Variants in HYDIN observed in about 807,000 individuals in gnomAD.
The protein encoded by HYDIN is HYDIN axonemal central pair apparatus protein.
In HYDIN, 132 loss-of-function variants were observed where a neutral mutation model predicts 403.9. The observed-to-expected ratio is 0.33, with a 90% CI of 0.28 to 0.38. The LOEUF (loss-of-function observed/expected upper bound fraction) is 0.38. HYDIN is among the 10% of genes least tolerant of loss of function. HYDIN has a pLI of 1.00. For synonymous variants in HYDIN, 1,202 were observed against 1,891.7 expected (o/e 0.64, Z 9.46); for missense variants, 2,827 against 5,009.5 (o/e 0.56, Z 13.15).
At chr16:71,053,939 AACAG>A in intron 18 of HYDIN, among the ~76,000 whole-genome samples, 1 of 152,282 alleles carries the variant, frequency 6.6e-6, no homozygotes, top group Non-Finnish European at 1.5e-5. Flanking sequence ...TCTATGGTAG[AACAG>A]ACAGAAAATA....
intron 1 of HYDIN, among the ~76,000 whole-genome samples, chr16:71,202,384 T>C (rs2088064773): frequency 6.6e-6 from 1 of 152,224 alleles, no homozygotes; most frequent in Non-Finnish European, 1.5e-5. Context: ...TTACCATTTA[T>C]TGATAACTAA....
At chr16:71,115,507 T>C (rs2083990353) in intron 10 of HYDIN, among the ~76,000 whole-genome samples, 189 bp downstream of exon 10, 1 of 152,182 alleles carries the variant, frequency 6.6e-6, no homozygotes, top group South Asian at 2.1e-4. Context: ...TAAAGTTTGA[T>C]CTGTTATAGG....
chr16:71,213,889 A>G (rs2088729816), intron 1 of HYDIN, among the ~76,000 whole-genome samples: 1 of 152,142 alleles, frequency 6.6e-6, no homozygotes, highest in African/African-American at 2.4e-5. Context: ...ATCCTTATCT[A>G]TTAATACCCA....
chr16:70,895,011 A>G (rs2076162812), intron 54 of HYDIN, among the ~76,000 whole-genome samples: 1 of 152,202 alleles, frequency 6.6e-6, no homozygotes, highest in African/African-American at 2.4e-5. Context: ...CAATACTACT[A>G]TTTCATTATT....
intron 8 of HYDIN, among the ~76,000 whole-genome samples, chr16:71,134,225 C>T (rs1263766662): frequency 1.3e-5 from 2 of 152,052 alleles, no homozygotes; most frequent in East Asian, 1.9e-4. Context: ...ATTATTGAAG[C>T]GATCTTAGAG....
chr16:70,864,796 G>A (rs940702964), intron 67 of HYDIN, among the ~76,000 whole-genome samples: 9 of 152,206 alleles, frequency 5.9e-5, no homozygotes, highest in African/African-American at 2.2e-4. Flanking sequence ...GGGCCAGATA[G>A]TAAGTTTTTT....
chr16:70,872,171 C>T lies in HYDIN; in HGVS notation c.10957G>A (p.Val3653Met), dbSNP rs1182696965. 2 of 1,445,946 alleles carry T rather than the reference C, an allele frequency of 1.4e-6. No homozygotes were observed. Among genetic ancestry groups the T allele is most frequent in the Admixed American group, 3.9e-5 (2 of 51,706 alleles). 89.6% of individuals were successfully genotyped at this position (1,445,946 alleles called of 1,614,324 possible). ...CAGTCCCCAAATTGGATGTGGTCCA[C>T]CAGAGCAGCTAGGGATTAGAAGCAG... ...DMEDLVAAAL[V>M]DHIQFGDCHI... Residue 3653 changes from valine to methionine, a missense_variant, in exon 65 of 86, where the codon GTG becomes ATG. Physicochemically the swap from Val to Met is conservative, Grantham distance 21 (BLOSUM62 1). Coordinates refer to ENST00000393567, the MANE Select transcript of HYDIN (RefSeq NM_001270974.2).
chr16:71,018,917 G>T (rs1361570456), intron 22 of HYDIN, among the ~76,000 whole-genome samples: 20 of 147,098 alleles, frequency 1.4e-4, no homozygotes, highest in Admixed American at 2.7e-4. Flanking sequence ...TAAAGCACTG[G>T]GGGGTGGGGT....
At chr16:70,832,683 T>C (rs1245092224) in intron 80 of HYDIN, among the ~76,000 whole-genome samples, 165 bp downstream of exon 80, 1 of 152,224 alleles carries the variant, frequency 6.6e-6, no homozygotes, top group East Asian at 1.9e-4. Context: ...TGGAAAGGAA[T>C]AAACCAAATG....
intron 41 of HYDIN, among the ~76,000 whole-genome samples, chr16:70,945,337 A>G (rs1441949597): frequency 6.6e-6 from 1 of 152,216 alleles, no homozygotes; most frequent in Non-Finnish European, 1.5e-5. Flanking sequence ...CTAAGAAAGG[A>G]AAGACTGGGA....
chr16:70,856,668 A>G (rs1402994236), intron 72 of HYDIN, among the ~76,000 whole-genome samples: 1 of 152,196 alleles, frequency 6.6e-6, no homozygotes, highest in Non-Finnish European at 1.5e-5. Flanking sequence ...ATTATATTGA[A>G]ACGTACCACT....
rs375377269 is a variant in HYDIN at position 71,056,532 on chromosome 16, C to T, written c.2529+3972G>A. Among the ~76,000 whole-genome samples, 18 of 152,144 alleles carry T rather than the reference C, an allele frequency of 1.2e-4. No individual in the cohort carries two copies. In the South Asian group the frequency reaches 1.9e-3, roughly 16 times the overall value. On this transcript the variant is annotated intron_variant, in intron 18 of 85. Coordinates refer to ENST00000393567, the MANE Select transcript of HYDIN (RefSeq NM_001270974.2). ...ATCTCCTGACCCCTCTGGCTGATAA[C>T]AAACAGCTGTTTCTTGCGAAGGGTA...
rs754996225 is a variant in HYDIN at position 70,809,777 on chromosome 16, A to T, written c.14883+6T>A. ...AAGGGCAGAAGGTAGAGCAGGGGCCACTCACCCTGCAGTAGTATTCTGTCC... is the reference window on the plus strand; with the variant it reads ...AAGGGCAGAAGGTAGAGCAGGGGCCTCTCACCCTGCAGTAGTATTCTGTCC... On this transcript the variant is annotated splice_donor_region_variant and intron_variant, in intron 85 of 85. Coordinates refer to ENST00000393567, the MANE Select transcript of HYDIN (RefSeq NM_001270974.2). 6 of 1,605,000 alleles carry T rather than the reference A, an allele frequency of 3.7e-6. No individual in the cohort carries two copies. The South Asian group carries it at 6.6e-5, about 18-fold the overall frequency.
intron 36 of HYDIN, among the ~76,000 whole-genome samples, 192 bp downstream of exon 36, chr16:70,970,328 C>T (rs1457116364): frequency 1.1e-5 from 1 of 89,366 alleles, no homozygotes; most frequent in Admixed American, 1.4e-4. Flanking sequence ...CGGTTCTTTA[C>T]TGTTGGAATT....
chr16:70,832,853 T>C lies in HYDIN; in HGVS notation c.13894A>G (p.Lys4632Glu), dbSNP rs1433791910. 4 of 1,602,788 alleles carry C rather than the reference T, an allele frequency of 2.5e-6. No individual in the cohort carries two copies. Among genetic ancestry groups the C allele is most frequent in the Non-Finnish European group, 3.4e-6 (4 of 1,172,666 alleles). ...CCCGGGCAGCAGCTACTAACCTCTT[T>C]TACCGCAGGTGGTCCCACGCAGACT... ...SGVCVGPPAV[K>E]EVVNFTCQVR... The change falls in exon 80 of 86, where the codon AAA (lysine) becomes GAA (glutamate). Residue 4632 changes from lysine to glutamate, a missense_variant. Physicochemically the swap from Lys to Glu is moderately conservative, Grantham distance 56. Transcript: ENST00000393567.
intron 75 of HYDIN, among the ~76,000 whole-genome samples, chr16:70,846,464 A>G: frequency 6.7e-6 from 1 of 149,882 alleles, no homozygotes. Context: ...ACTTCCAAGT[A>G]TGTGGTCAAT....
At chr16:70,860,024 G>A (rs573874035) in intron 71 of HYDIN, 44 bp downstream of exon 71, 4 of 1,562,124 alleles carry the variant, frequency 2.6e-6, no homozygotes, top group Non-Finnish European at 3.5e-6. Context: ...GCAATGGCTA[G>A]AGTGATCTAA....
In HYDIN at chr16:71,171,775, T is replaced by C. The variant is rs993981121; in HGVS notation, c.516+3832A>G. 4.6e-5 allele frequency among the ~76,000 whole-genome samples: 7 copies of C among 152,226 alleles called. No individual in the cohort carries two copies. In the East Asian group the frequency reaches 1.3e-3, roughly 29 times the overall value. The stretch of plus-strand genomic sequence containing the variant: ...CTAATATATTCATGACACAAAAAGA[T>C]AATTGAGCCCTTTTTACATGCTCTT... On this transcript the variant is annotated intron_variant, in intron 5 of 85. Coordinates refer to ENST00000393567, the MANE Select transcript of HYDIN (RefSeq NM_001270974.2).
intron 55 of HYDIN, chr16:70,894,177 T>C: frequency 2.1e-6 from 1 of 475,270 alleles, no homozygotes; most frequent in Non-Finnish European, 3.6e-6. Context: ...AAGGCCCCTG[T>C]TAAGCTGCAG....
Sources: gnomAD v4.1 joint callset for allele counts (sites outside exome capture counted in the v4.1 genomes callset) on GRCh38, gnomAD v4.1.1 for gene constraint, MANE v1.5 for transcripts, NCBI Gene and HGNC (gene_info 2026-07-23, HGNC 2026-07-21) for gene names.